Variants in SH3TC2 observed in about 807,000 individuals in gnomAD.
The protein encoded by SH3TC2 is SH3 domain and tetratricopeptide repeats 2, also known as SH3 domain and tetratricopeptide repeat-containing protein 2.
A neutral mutation model predicts 124.5 loss-of-function variants in SH3TC2; 87 were observed. The observed-to-expected ratio is 0.70, with a 90% CI of 0.59 to 0.84. The LOEUF is 0.84. Among genes scored for constraint, SH3TC2 ranks in the 40% least tolerant of loss-of-function variants. SH3TC2 has a pLI of 0.00. For missense variants in SH3TC2, 1,536 were observed against 1,566.4 expected, an observed-to-expected ratio of 0.98 and a Z score of 0.33; for synonymous variants, 634 against 628.5, an observed-to-expected ratio of 1.01 and a Z score of -0.13.
At chr5:149,023,530 A>C (rs1349582241) in intron 12 of SH3TC2, among the ~76,000 whole-genome samples, 2 of 151,654 alleles carry the variant, frequency 1.3e-5, no homozygotes, top group Non-Finnish European at 2.9e-5. Flanking sequence ...AGGAAAGGGA[A>C]GTTGGAAGGG....
At chr5:149,019,904 C>T (rs891841075) in intron 12 of SH3TC2, among the ~76,000 whole-genome samples, 4 of 152,180 alleles carry the variant, frequency 2.6e-5, no homozygotes, top group African/African-American at 9.7e-5. Context: ...AAAGTTCCAT[C>T]CCCAGAGAAC....
In SH3TC2 at chr5:149,004,831, A is replaced by G. The variant is rs1302662726; in HGVS notation, c.3747T>C (p.Leu1249=). The change falls in exon 17 of 17, where the codon CTT becomes CTC. Residue 1249 remains leucine, a synonymous_variant. Coordinates refer to ENST00000515425, the MANE Select transcript of SH3TC2 (RefSeq NM_024577.4). The stretch of plus-strand genomic sequence containing the variant: ...CCAGCCTGCTCCTAATGGTGTCCTG[A>G]AGCTCCTCATCACCCAGCAGGACCG... ...AAAVLLGDEE[L]QDTIRSRLDN... The G allele has an allele frequency of 1.2e-6, 2 of 1,614,132 alleles. No individual in the cohort carries two copies. Among genetic ancestry groups the G allele is most frequent in the East Asian group, 4.5e-5 (2 of 44,858 alleles).
chr5:149,047,950 C>T lies in SH3TC2; in HGVS notation c.191G>A (p.Arg64Lys), dbSNP rs1449599353. Residue 64 changes from arginine to lysine, a missense_variant, in exon 3 of 17, where the codon AGG becomes AAG. Around this residue, in one of 3 missense-constraint regions of SH3TC2, gnomAD observed 1,102 missense variants for 1,098.6 expected, o/e 1.00. Coordinates refer to ENST00000515425, the MANE Select transcript of SH3TC2 (RefSeq NM_024577.4). ...LSFCVKSRSR[R>K]CVNGPLQEAA... The stretch of plus-strand genomic sequence containing the variant: ...TTCCTGTAGGGGTCCATTTACACAC[C>T]TCCTGGAGCGGCTCTTTACACAGAA... 1.2e-6 allele frequency: 2 copies of T among 1,614,156 alleles called. No individual in the cohort carries two copies.
intron 12 of SH3TC2, among the ~76,000 whole-genome samples, chr5:149,014,769 C>T (rs1753842737): frequency 6.6e-6 from 1 of 152,210 alleles, no homozygotes; most frequent in Non-Finnish European, 1.5e-5. Flanking sequence ...CCACAGGCAT[C>T]TTTCACTATA....
intron 4 of SH3TC2, 69 bp from the exon 5 acceptor site, chr5:149,042,906 G>C: frequency 6.3e-7 from 1 of 1,589,520 alleles, no homozygotes; most frequent in Admixed American, 1.7e-5. Flanking sequence ...AGAAGAGAGT[G>C]AGAAAATTCC....
Position 149,028,152 on chromosome 5 carries a change from T to C in SH3TC2, c.1580A>G (p.His527Arg). Residue 527 changes from histidine (H) to arginine (R), a missense_variant, in exon 11 of 17, where the codon CAT becomes CGT. Transcript: ENST00000515425. ...WAKKSHMTWA[H>R]ARLCFLLGRL... ...GCCCAGGAGGAAGCAGAGACGGGCA[T>C]GGGCCCAGGTCATGTGGCTCTTCTT... 6.2e-7 allele frequency: 1 copy of C among 1,614,124 alleles called. No individual in the cohort carries two copies. The highest frequency in any genetic ancestry group is 8.5e-7 in the Non-Finnish European group (1 of 1,180,020).
intron 2 of SH3TC2, among the ~76,000 whole-genome samples, chr5:149,049,186 G>A (rs1307154339): frequency 6.6e-6 from 1 of 152,192 alleles, no homozygotes; most frequent in Non-Finnish European, 1.5e-5. Context: ...GTGGGTGTTT[G>A]TTCCATGCAG....
Position 149,026,894 on chromosome 5 carries a change from T to C in SH3TC2, c.2838A>G (p.Ala946=). ...LTHGLLCYEM[A]LLFGLRHRHL... ...GTCGATGCCTTAAGCCAAACAGCAA[T>C]GCCATTTCATAACAAAGAAGGCCAT... The change falls in exon 11 of 17, where the codon GCA becomes GCG. Residue 946 remains alanine (A), a synonymous_variant. Coordinates refer to ENST00000515425, the MANE Select transcript of SH3TC2 (RefSeq NM_024577.4). 3 of 1,614,172 alleles carry C rather than the reference T, an allele frequency of 1.9e-6. No individual in the cohort carries two copies. Among genetic ancestry groups the C allele is most frequent in the Non-Finnish European group, 2.5e-6 (3 of 1,180,032 alleles).
At chr5:149,007,525 T>C in intron 15 of SH3TC2, 1 of 285,292 alleles carries the variant, frequency 3.5e-6, no homozygotes. Context: ...CTCTGTATAA[T>C]AAATGTCTTC....
At position 149,003,826 on chromosome 5, in the gene SH3TC2, G is replaced by A; in HGVS notation, c.*885C>T. 1 of 384,390 alleles carries A rather than the reference G, an allele frequency of 2.6e-6. No homozygotes were observed. 23.8% of individuals were successfully genotyped at this position (384,390 alleles called of 1,614,324 possible). Reference sequence around the variant, plus strand: ...TGACTGTACCACTGAACTCCAGCCTGGGCAACAGAGGAGAAACTGTCTCAA... The same window carrying A: ...TGACTGTACCACTGAACTCCAGCCTAGGCAACAGAGGAGAAACTGTCTCAA... On this transcript the variant is annotated 3_prime_UTR_variant, in exon 17 of 17. Coordinates refer to ENST00000515425, the MANE Select transcript of SH3TC2 (RefSeq NM_024577.4).
At position 148,993,641 on chromosome 5, in the gene SH3TC2, C is replaced by CAATAAAGGGAGG. The variant is rs1273721311; in HGVS notation, c.*11058_*11069dup. 6.6e-6 allele frequency among the ~76,000 whole-genome samples: 1 copy of CAATAAAGGGAGG among 152,098 alleles called. No homozygotes were observed. Among genetic ancestry groups the CAATAAAGGGAGG allele is most frequent in the Non-Finnish European group, 1.5e-5 (1 of 68,012 alleles). On this transcript the variant is annotated 3_prime_UTR_variant, in exon 17 of 17. Coordinates refer to ENST00000515425, the MANE Select transcript of SH3TC2 (RefSeq NM_024577.4). The stretch of plus-strand genomic sequence containing the variant: ...AAACATAGGTTCAAAATGACAGTTC[C>CAATAAAGGGAGG]AATAAAGGGAGGTCACAACTTCCTG...
In SH3TC2 at chr5:149,004,855, C is replaced by T. The variant is rs777895612; in HGVS notation, c.3723G>A (p.Ala1241=). Residue 1241 remains alanine, a synonymous_variant, in exon 17 of 17, where the codon GCG becomes GCA. Transcript: ENST00000515425. The part of the protein sequence containing the change: ...TEYFLLALAA[A]VLLGDEELQD... ...GAAGCTCCTCATCACCCAGCAGGACCGCTGCTGCCAGGGCCAGAAGGAAGT... is the reference window on the plus strand; with the variant it reads ...GAAGCTCCTCATCACCCAGCAGGACTGCTGCTGCCAGGGCCAGAAGGAAGT... 33 of 1,614,044 alleles carry T rather than the reference C, an allele frequency of 2.0e-5. No homozygotes were observed. Among genetic ancestry groups the T allele is most frequent in the Non-Finnish European group, 2.5e-5 (30 of 1,180,044 alleles).
In SH3TC2 at chr5:148,991,529, A is replaced by C. The variant is rs1464968781; in HGVS notation, c.*13182T>G. Among the ~76,000 whole-genome samples the C allele has an allele frequency of 1.3e-5, 2 of 152,316 alleles. No individual in the cohort carries two copies. The highest frequency in any genetic ancestry group is 2.4e-5 in the African/African-American group (1 of 41,574). On this transcript the variant is annotated 3_prime_UTR_variant, in exon 17 of 17. Coordinates refer to ENST00000515425, the MANE Select transcript of SH3TC2 (RefSeq NM_024577.4). ...CCTTAGCTTTTGCTTTCTGTCAGAT[A>C]ATACAGTGGTTATATCTGAAGGGTT...
At position 148,996,271 on chromosome 5, in the gene SH3TC2, A is replaced by AAG. The variant is rs146811206; in HGVS notation, c.*8438_*8439dup. Among the ~76,000 whole-genome samples, 444 of 148,654 alleles carry AAG rather than the reference A, an allele frequency of 3.0e-3. 2 individuals carry two copies. The highest frequency in any genetic ancestry group is 0.011 in the African/African-American group (414 of 39,174). ...TGAGACCCTGCCTAAATAAGAGAGA[A>AAG]AGAGAGAGAGAGAGAGAAACAGACA... is the stretch of plus-strand genomic sequence containing the variant. On this transcript the variant is annotated 3_prime_UTR_variant, in exon 17 of 17. Coordinates refer to ENST00000515425, the MANE Select transcript of SH3TC2 (RefSeq NM_024577.4).
chr5:148,999,716 A>T lies in SH3TC2; in HGVS notation c.*4995T>A, dbSNP rs1226736215. Among the ~76,000 whole-genome samples the T allele has an allele frequency of 2.0e-5, 3 of 152,190 alleles. No homozygotes were observed. Among genetic ancestry groups the T allele is most frequent in the African/African-American group, 7.2e-5 (3 of 41,454 alleles). ...GTTGTGTTGCAATCGCCAAGTCCTA[A>T]TGTGTTTTCTACCTTCTCCACTGCT... On this transcript the variant is annotated 3_prime_UTR_variant, in exon 17 of 17. Coordinates refer to ENST00000515425, the MANE Select transcript of SH3TC2 (RefSeq NM_024577.4).
At chr5:149,012,782 T>G in intron 12 of SH3TC2, 48 bp from the exon 13 acceptor site, 1 of 1,607,512 alleles carries the variant, frequency 6.2e-7, no homozygotes, top group Non-Finnish European at 8.5e-7. Context: ...AAAGGGGCCT[T>G]AGGGTCCACT....
chr5:149,010,441 A>G (rs373029722), intron 13 of SH3TC2, 49 bp from the exon 14 acceptor site: 689 of 1,611,080 alleles, frequency 4.3e-4, no homozygotes, highest in Non-Finnish European at 5.5e-4. Flanking sequence ...GGGCTTCCTG[A>G]CCTCCACAGG....
intron 3 of SH3TC2, chr5:149,045,963 T>C: frequency 2.4e-6 from 1 of 410,342 alleles, no homozygotes; most frequent in Non-Finnish European, 4.8e-6. Context: ...TTATAATACC[T>C]AAAAAAAAAG....
intron 13 of SH3TC2, 52 bp from the exon 14 acceptor site, chr5:149,010,444 T>C: frequency 6.2e-7 from 1 of 1,610,902 alleles, no homozygotes; most frequent in Non-Finnish European, 8.5e-7. Flanking sequence ...CTTCCTGACC[T>C]CCACAGGACT....
Sources: allele counts gnomAD v4.1 joint callset (sites outside exome capture counted in the v4.1 genomes callset), GRCh38; gene constraint gnomAD v4.1.1; regional missense constraint gnomAD v4.1.1; transcripts MANE v1.5; gene names NCBI Gene and HGNC (gene_info 2026-07-23, HGNC 2026-07-21).